The following FHIP2A variants were observed in gnomAD, a reference collection of about 807,000 sequenced individuals.
FHIP2A encodes FHF complex subunit HOOK interacting protein 2A.
FHIP2A carries 46 observed loss-of-function variants against 93.5 expected under a neutral mutation model. The observed-to-expected ratio is 0.49, with a 90% CI of 0.39 to 0.63. The LOEUF is 0.63. Ranked by LOEUF, FHIP2A falls within the 20% of genes least tolerant of loss-of-function variation. The probability of loss-of-function intolerance (pLI) is 0.00; values close to 1 mark genes in which losing one functional copy is unlikely to be tolerated. For missense variants in FHIP2A, 769 were observed against 909.7 expected (o/e 0.85, Z 1.99); for synonymous variants, 332 against 326.5 (o/e 1.02, Z -0.18).
Position 114,863,028 on chromosome 10 carries a change from A to G in FHIP2A, c.*1488A>G, listed in dbSNP as rs1019971243. On this transcript the variant is annotated 3_prime_UTR_variant, in exon 17 of 17. Transcript: ENST00000369248. ...TCATAGTTTGTTCTTGCTATTTATTAAGAACAGAATATCAAAAGATTATGA... is the reference window on the plus strand; with the variant it reads ...TCATAGTTTGTTCTTGCTATTTATTGAGAACAGAATATCAAAAGATTATGA... The G allele has an allele frequency of 7.1e-5, 70 of 985,246 alleles. 1 individual carries two copies. The African/African-American group carries it at 1.2e-3, about 17-fold the overall frequency. 61.0% of individuals were successfully genotyped at this position (985,246 alleles called of 1,614,324 possible).
At chr10:114,890,185 G>A (rs1324478021) in intron 16 of FHIP2A, among the ~76,000 whole-genome samples, 6 of 151,854 alleles carry the variant, frequency 4.0e-5, no homozygotes, top group East Asian at 1.9e-4. Flanking sequence ...CCACCACAAC[G>A]CCTGGCTAAT....
At chr10:114,891,191 C>A (rs969782858) in intron 16 of FHIP2A, among the ~76,000 whole-genome samples, 1 of 146,362 alleles carries the variant, frequency 6.8e-6, no homozygotes. Flanking sequence ...GAGACCCTGT[C>A]TAAACAACCA....
At position 114,861,538 on chromosome 10, in the gene FHIP2A, T is replaced by C; in HGVS notation, c.2296T>C (p.Ter766GlnextTer6). Residue 766 changes from the stop codon to glutamine, a stop_lost, in exon 17 of 17, where the codon TAA becomes CAA. Coordinates refer to ENST00000369248, the MANE Select transcript of FHIP2A (RefSeq NM_020940.4). The part of the protein sequence containing the change: ...FVKYHASSTP[*>Q] ...AAAATATCATGCTTCCTCCACACCATAAATAACATCTTTCATGTAACTGGG... is the reference window on the plus strand; with the variant it reads ...AAAATATCATGCTTCCTCCACACCACAAATAACATCTTTCATGTAACTGGG... 1 of 1,613,082 alleles carries C rather than the reference T, an allele frequency of 6.2e-7. No homozygotes were observed. Among genetic ancestry groups the C allele is most frequent in the Non-Finnish European group, 8.5e-7 (1 of 1,179,940 alleles).
chr10:114,881,940 G>GC (rs1248887615), intron 16 of FHIP2A, among the ~76,000 whole-genome samples: 1 of 152,216 alleles, frequency 6.6e-6, no homozygotes, highest in Non-Finnish European at 1.5e-5. Flanking sequence ...GTGCACGTGC[G>GC]CGTGTGTATG....
rs78798822 is a variant in FHIP2A, at chr10:114,872,348, C to T, written c.2192+11014C>T. ...TAGAGGCCCACTCACCCAGTCAATGCGTTTTCTCATAAGAGTCAGGGAAGT... is the reference window on the plus strand; with the variant it reads ...TAGAGGCCCACTCACCCAGTCAATGTGTTTTCTCATAAGAGTCAGGGAAGT... On this transcript the variant is annotated intron_variant, in intron 16 of 16. Coordinates refer to the FHIP2A transcript ENST00000369250. Among the ~76,000 whole-genome samples, 948 of 152,280 alleles carry T rather than the reference C, an allele frequency of 6.2e-3. 5 individuals are homozygous for T. The highest frequency in any genetic ancestry group is 0.01 in the Non-Finnish European group (698 of 68,018).
At chr10:114,836,383 CT>C in intron 5 of FHIP2A, 137 bp downstream of exon 5, 1 of 696,132 alleles carries the variant, frequency 1.4e-6, no homozygotes, top group Non-Finnish European at 2.4e-6. Context: ...ATTATTTTTC[CT>C]TTAATATCAC....
intron 7 of FHIP2A, among the ~76,000 whole-genome samples, chr10:114,845,042 A>G (rs1188913617): frequency 6.7e-6 from 1 of 149,526 alleles, no homozygotes; most frequent in African/African-American, 2.5e-5. Flanking sequence ...ACCTCAAGTG[A>G]TCCACCCACC....
At chr10:114,826,866 C>T (rs541596448) in intron 1 of FHIP2A, among the ~76,000 whole-genome samples, 5 of 152,230 alleles carry the variant, frequency 3.3e-5, no homozygotes, top group Non-Finnish European at 5.9e-5. Flanking sequence ...CGGTAGCATG[C>T]GCCTGTAATC....
rs1260296770 is a variant in FHIP2A, at chr10:114,864,119, T to C, written c.*2579T>C. On this transcript the variant is annotated 3_prime_UTR_variant, in exon 17 of 17. Coordinates refer to ENST00000369248, the MANE Select transcript of FHIP2A (RefSeq NM_020940.4). ...ATTATTGTGTGTGTATATATGTATA[T>C]ATGTATATATATAAGGACCAAAATT... The C allele has an allele frequency of 1.9e-5, 19 of 976,964 alleles. No individual in the cohort carries two copies. The highest frequency in any genetic ancestry group is 2.2e-5 in the Non-Finnish European group (18 of 821,940). 60.5% of individuals were successfully genotyped at this position (976,964 alleles called of 1,614,324 possible).
intron 6 of FHIP2A, among the ~76,000 whole-genome samples, 182 bp downstream of exon 6, chr10:114,843,408 G>T (rs1014487238): frequency 6.6e-6 from 1 of 151,452 alleles, no homozygotes; most frequent in South Asian, 2.1e-4. Flanking sequence ...GGGTTCAAGC[G>T]ATTCTCCTGC....
chr10:114,887,142 G>C (rs768736403), intron 16 of FHIP2A, among the ~76,000 whole-genome samples: 1 of 152,104 alleles, frequency 6.6e-6, no homozygotes, highest in Non-Finnish European at 1.5e-5. Context: ...ACTTTCCTTT[G>C]GGGTATATTC....
chr10:114,836,103 T>G (rs2143010437), intron 4 of FHIP2A, 21 bp from the exon 5 acceptor site: 1 of 1,540,218 alleles, frequency 6.5e-7, no homozygotes, highest in African/African-American at 1.4e-5. Flanking sequence ...TTTAAAAAGT[T>G]AAAAACAATT....
intron 16 of FHIP2A, among the ~76,000 whole-genome samples, chr10:114,878,822 T>C (rs2143014931): frequency 6.8e-6 from 1 of 147,918 alleles, no homozygotes; most frequent in Non-Finnish European, 1.5e-5. Context: ...AAAAGAAGCC[T>C]GGGCAGGTGG....
chr10:114,849,558 G>A (rs56263937), intron 13 of FHIP2A, among the ~76,000 whole-genome samples: 3 of 152,024 alleles, frequency 2.0e-5, no homozygotes, highest in Middle Eastern at 3.2e-3. Flanking sequence ...ATTTTACATC[G>A]TAAGATTTTA....
chr10:114,878,791 A>AAAAAAAG (rs1555247326), intron 16 of FHIP2A, among the ~76,000 whole-genome samples: 4 of 135,514 alleles, frequency 3.0e-5, no homozygotes, highest in Non-Finnish European at 4.7e-5. Context: ...AAAAAAAAAA[A>AAAAAAAG]AAAGAAAGAA....
In FHIP2A at chr10:114,864,359, A is replaced by T. The variant is rs1245350279; in HGVS notation, c.*2819A>T. Reference sequence around the variant, plus strand: ...CTATATGGTAATTATATTTTGGGTTATGTAGTAAATCAAATATGCATGTCA... The same window carrying T: ...CTATATGGTAATTATATTTTGGGTTTTGTAGTAAATCAAATATGCATGTCA... On this transcript the variant is annotated 3_prime_UTR_variant, in exon 17 of 17. Coordinates refer to ENST00000369248, the MANE Select transcript of FHIP2A (RefSeq NM_020940.4). 9 of 985,666 alleles carry T rather than the reference A, an allele frequency of 9.1e-6. No homozygotes were observed. The highest frequency in any genetic ancestry group is 1.1e-5 in the Non-Finnish European group (9 of 829,810). The allele number at this position is 985,666 out of a possible 1,614,324, so 61.1% of individuals were successfully genotyped here.
intron 16 of FHIP2A, among the ~76,000 whole-genome samples, chr10:114,879,946 A>G (rs1309832565): frequency 6.6e-6 from 1 of 152,230 alleles, no homozygotes; most frequent in Non-Finnish European, 1.5e-5. Context: ...GGTGCACACC[A>G]TCATGCCCAG....
At chr10:114,866,392 A>T (rs532776088), downstream of FHIP2A, among the ~76,000 whole-genome samples, 1 of 152,266 alleles carries the variant, frequency 6.6e-6, no homozygotes, top group Non-Finnish European at 1.5e-5. Context: ...TTGATTACAG[A>T]AAATCAGTTT....
At chr10:114,883,380 G>A (rs367596632) in intron 16 of FHIP2A, among the ~76,000 whole-genome samples, 1 of 151,942 alleles carries the variant, frequency 6.6e-6, no homozygotes, top group Non-Finnish European at 1.5e-5. Context: ...AATTCTTTGA[G>A]CTCAAAGACA....
Sources: allele counts gnomAD v4.1 joint callset (sites outside exome capture counted in the v4.1 genomes callset), GRCh38; gene constraint gnomAD v4.1.1; transcripts MANE v1.5; gene names NCBI Gene and HGNC (gene_info 2026-07-23, HGNC 2026-07-21).